OR1F1: variants seen among roughly 807,000 people sequenced by gnomAD.
OR1F1 encodes olfactory receptor family 1 subfamily F member 1.
For synonymous variants in OR1F1, 184 were observed against 156.7 expected, an observed-to-expected ratio of 1.17 and a Z score of -1.30; for missense variants, 493 against 376.3, an observed-to-expected ratio of 1.31 and a Z score of -2.57.
chr16:3,203,733 T>C (rs541786329), upstream of OR1F1, among the ~76,000 whole-genome samples: 1 of 152,278 alleles, frequency 6.6e-6, no homozygotes, highest in Non-Finnish European at 1.5e-5. Flanking sequence ...CACTGCACTC[T>C]AGCCTGGCGA....
chr16:3,200,625 T>A (rs566752528), upstream of OR1F1, among the ~76,000 whole-genome samples: 36 of 152,110 alleles, frequency 2.4e-4, no homozygotes, highest in African/African-American at 8.7e-4. Context: ...AAAAAACGAA[T>A]AAACAAACAA....
exon 1 of OR1F1, chr16:3,204,545 A>C: frequency 1.2e-6 from 2 of 1,614,146 alleles, no homozygotes; most frequent in Non-Finnish European, 1.7e-6. Context: ...TGTCTCACAC[A>C]GATGTATTTC....
chr16:3,206,367 T>C (rs1361036938), downstream of OR1F1, among the ~76,000 whole-genome samples: 1 of 152,174 alleles, frequency 6.6e-6, no homozygotes, highest in Non-Finnish European at 1.5e-5. Flanking sequence ...TGCCTTGTGA[T>C]CTCTATTGGC....
the OR1F1 span, among the ~76,000 whole-genome samples, chr16:3,192,322 G>A: frequency 6.6e-6 from 1 of 152,202 alleles, no homozygotes; most frequent in East Asian, 1.9e-4. Context: ...CAAAGTGCGG[G>A]GATGACAGGC....
At chr16:3,204,536 G>T (rs752952518) in exon 1 of OR1F1, 3 of 1,614,162 alleles carry the variant, frequency 1.9e-6, no homozygotes, top group Middle Eastern at 1.6e-4. Flanking sequence ...TTCTGTGGCT[G>T]TCTCACACAG....
the OR1F1 span, among the ~76,000 whole-genome samples, chr16:3,196,655 T>C: frequency 3.1e-4 from 46 of 149,876 alleles, no homozygotes; most frequent in Non-Finnish European, 4.4e-4. Context: ...CCCAAAGTGC[T>C]GGGATTACAG....
At chr16:3,195,592 G>A in the OR1F1 span, among the ~76,000 whole-genome samples, 1 of 148,502 alleles carries the variant, frequency 6.7e-6, no homozygotes, top group Non-Finnish European at 1.5e-5. Flanking sequence ...TGAGGCAAGA[G>A]AATCGCTGGA....
chr16:3,205,136 T>C, exon 1 of OR1F1: 2 of 1,613,154 alleles, frequency 1.2e-6, no homozygotes, highest in South Asian at 2.2e-5. Context: ...AACAGGTACT[T>C]GAAAGGGGCT....
upstream of OR1F1, among the ~76,000 whole-genome samples, chr16:3,203,750 G>A (rs376367550): frequency 1.3e-4 from 20 of 152,156 alleles, no homozygotes; most frequent in African/African-American, 2.7e-4. Context: ...GCGACAGAGC[G>A]AGACTCCGTT....
chr16:3,205,776 C>T (rs534778433), downstream of OR1F1, among the ~76,000 whole-genome samples: 1 of 152,292 alleles, frequency 6.6e-6, no homozygotes, highest in Admixed American at 6.5e-5. Flanking sequence ...ACTTTAATCT[C>T]TTAATCCTGT....
chr16:3,191,960 A>G, the OR1F1 span, among the ~76,000 whole-genome samples: 3 of 152,208 alleles, frequency 2.0e-5, no homozygotes, highest in African/African-American at 7.2e-5. Flanking sequence ...CACGGCTGCC[A>G]CAAAGAAAAG....
the OR1F1 span, among the ~76,000 whole-genome samples, chr16:3,198,519 G>A: frequency 6.6e-6 from 1 of 152,176 alleles, no homozygotes; most frequent in African/African-American, 2.4e-5. Flanking sequence ...AGATATGCAA[G>A]CGGGGACAGG....
chr16:3,199,589 C>T (rs2141587971), upstream of OR1F1, among the ~76,000 whole-genome samples: 1 of 152,140 alleles, frequency 6.6e-6, no homozygotes, highest in South Asian at 2.1e-4. Context: ...CCTTGGCCTC[C>T]CAAAGTGCTA....
upstream of OR1F1, among the ~76,000 whole-genome samples, chr16:3,201,908 A>G (rs1157297494): frequency 6.6e-6 from 1 of 152,160 alleles, no homozygotes; most frequent in East Asian, 1.9e-4. Flanking sequence ...TTCTACATGT[A>G]CTTAAAAATG....
chr16:3,192,027 C>T, the OR1F1 span, among the ~76,000 whole-genome samples: 17 of 151,882 alleles, frequency 1.1e-4, no homozygotes, highest in South Asian at 8.3e-4. Flanking sequence ...GCTTAGGATG[C>T]GAGAGGTCCC....
At chr16:3,191,320 A>G in the OR1F1 span, 1 of 152,180 alleles carries the variant, frequency 6.6e-6, no homozygotes, top group Non-Finnish European at 1.5e-5. Context: ...ATCTCCATTT[A>G]TGGGAGATCG....
upstream of OR1F1, among the ~76,000 whole-genome samples, chr16:3,199,450 C>T (rs962685902): frequency 2.6e-5 from 4 of 152,098 alleles, no homozygotes; most frequent in Non-Finnish European, 4.4e-5. Flanking sequence ...CAAGACCAGT[C>T]GAGACCAGCC....
At chr16:3,193,970 G>A in the OR1F1 span, among the ~76,000 whole-genome samples, 5 of 152,174 alleles carry the variant, frequency 3.3e-5, no homozygotes, top group African/African-American at 1.2e-4. Context: ...GGGATTGTGG[G>A]TTCGAGTTCC....
chr16:3,191,534 C>G, the OR1F1 span, among the ~76,000 whole-genome samples: 1 of 152,162 alleles, frequency 6.6e-6, no homozygotes, highest in Non-Finnish European at 1.5e-5. Flanking sequence ...GCATGGGACT[C>G]TTAATCTCAG....
Sources: allele counts gnomAD v4.1 joint callset (sites outside exome capture counted in the v4.1 genomes callset), GRCh38; gene constraint gnomAD v4.1.1; transcripts MANE v1.5; gene names NCBI Gene and HGNC (gene_info 2026-07-23, HGNC 2026-07-21).